The following EIF4G2 variants were observed in gnomAD, a reference collection of about 807,000 sequenced individuals.
EIF4G2 encodes eukaryotic translation initiation factor 4 gamma 2.
A neutral mutation model predicts 117.7 loss-of-function variants in EIF4G2; 8 were observed. That is an observed-to-expected ratio of 0.07 (90% CI 0.04 to 0.12). EIF4G2 has a LOEUF of 0.12. Among genes scored for constraint, EIF4G2 ranks in the 10% least tolerant of loss-of-function variants. The pLI is 1.00. For missense variants in EIF4G2, 812 were observed against 1,086.2 expected (o/e 0.75, Z 3.55); for synonymous variants, 413 against 367.8 (o/e 1.12, Z -1.41).
In EIF4G2 at chr11:10,800,854, C is replaced by CA. The variant is rs762476859; in HGVS notation, c.1540-20dup. 6.2e-7 allele frequency: 1 copy of CA among 1,612,576 alleles called. No individual in the cohort carries two copies. Among genetic ancestry groups the CA allele is most frequent in the Non-Finnish European group, 8.5e-7 (1 of 1,179,626 alleles). On this transcript the variant is annotated intron_variant, in intron 15 of 21. Transcript: ENST00000339995. The stretch of plus-strand genomic sequence containing the variant: ...GAGGTGTCTAAAAAACAAGCAATGA[C>CA]AGACTTTTTTTAAAAAGAGGACTAT...
In EIF4G2 at chr11:10,799,360, G is replaced by T; in HGVS notation, c.2389C>A (p.Pro797Thr). ...TCCTGCTCTAACTGTTCTTTGGAAG[G>T]AGCAGAGGATGAATCTGTTTCATCG... is the stretch of plus-strand genomic sequence containing the variant. Residue 797 changes from proline to threonine, a missense_variant, in exon 20 of 22, where the codon CCT becomes ACT. Around this residue, in one of 4 missense-constraint regions of EIF4G2, gnomAD observed 571 missense variants for 642.3 expected, o/e 0.89. Coordinates refer to ENST00000339995, the MANE Select transcript of EIF4G2 (RefSeq NM_001418.4). 1 of 1,613,392 alleles carries T rather than the reference G, an allele frequency of 6.2e-7. No homozygotes were observed. Among genetic ancestry groups the T allele is most frequent in the Non-Finnish European group, 8.5e-7 (1 of 1,180,026 alleles).
At chr11:10,808,231 C>T (rs1247236128) in intron 1 of EIF4G2, 2 of 1,144,022 alleles carry the variant, frequency 1.7e-6, no homozygotes, top group Non-Finnish European at 2.2e-6. Context: ...CTCTCTCTTT[C>T]CTCCCCGACG....
At position 10,801,062 on chromosome 11, in the gene EIF4G2, A is replaced by C; in HGVS notation, c.1439T>G (p.Phe480Cys). ...TGGCACTTGATTTTTATTCATTAGG[A>C]ACGACTGAGCAGGCCTCAGGCTAAT... The change falls in exon 15 of 22, where the codon TTC (phenylalanine) becomes TGC (cysteine). Residue 480 changes from phenylalanine (F) to cysteine (C), a missense_variant. Physicochemically the swap from Phe to Cys is radical, Grantham distance 205 (BLOSUM62 -2). Coordinates refer to ENST00000339995, the MANE Select transcript of EIF4G2 (RefSeq NM_001418.4). 6.2e-7 allele frequency: 1 copy of C among 1,614,178 alleles called. No individual in the cohort carries two copies. Among genetic ancestry groups the C allele is most frequent in the Non-Finnish European group, 8.5e-7 (1 of 1,179,996 alleles).
At position 10,807,149 on chromosome 11, in the gene EIF4G2, T is replaced by G. The variant is rs1297977972; in HGVS notation, c.41+106A>C. On this transcript the variant is annotated intron_variant, in intron 2 of 21. Coordinates refer to ENST00000339995, the MANE Select transcript of EIF4G2 (RefSeq NM_001418.4). ...GGCTGTCAATGAAAACTTAAGAACT[T>G]TTCAAATGAAAATTGCAGCCCATTA... 5 of 1,489,236 alleles carry G rather than the reference T, an allele frequency of 3.4e-6. No homozygotes were observed. In the East Asian group the frequency reaches 1.1e-4, roughly 34 times the overall value. The allele number at this position is 1,489,236 out of a possible 1,614,324, so 92.3% of individuals were successfully genotyped here.
intron 11 of EIF4G2, 127 bp from the exon 12 acceptor site, chr11:10,802,562 C>T: frequency 7.6e-7 from 1 of 1,309,610 alleles, no homozygotes; most frequent in South Asian, 1.6e-5. Context: ...CTGTAAATAA[C>T]TTCTTCCAAA....
chr11:10,800,480 G>A lies in EIF4G2; in HGVS notation c.1812C>T (p.Ile604=), dbSNP rs116585386. ...CTATCCCTTCCTGTTTGAGTAAACT[G>A]ATCAAAGAACTTGCTTTTTCTTTAT... Residue 604 remains isoleucine, a synonymous_variant, in exon 17 of 22, where the codon ATC becomes ATT. Coordinates refer to ENST00000339995, the MANE Select transcript of EIF4G2 (RefSeq NM_001418.4). 52 of 1,614,124 alleles carry A rather than the reference G, an allele frequency of 3.2e-5. No homozygotes were observed. The African/African-American group carries it at 4.9e-4, about 15-fold the overall frequency.
In EIF4G2 at chr11:10,797,747, G is replaced by A. The variant is rs1306673622; in HGVS notation, c.*69C>T. 2 of 1,481,216 alleles carry A rather than the reference G, an allele frequency of 1.4e-6. No individual in the cohort carries two copies. Among genetic ancestry groups the A allele is most frequent in the Non-Finnish European group, 9.4e-7 (1 of 1,064,334 alleles). 91.8% of individuals were successfully genotyped at this position (1,481,216 alleles called of 1,614,324 possible). On this transcript the variant is annotated 3_prime_UTR_variant, in exon 22 of 22. Coordinates refer to ENST00000339995, the MANE Select transcript of EIF4G2 (RefSeq NM_001418.4). This position sits in a 1 kb window ranked among gnomAD's most constrained non-coding sequence, Gnocchi z 4.5. Reference sequence around the variant, plus strand: ...TTACAGCGGAATGAATTTTCGCAGTGGTTAGGTCAAATGCAGTTACATCAT... The same window carrying A: ...TTACAGCGGAATGAATTTTCGCAGTAGTTAGGTCAAATGCAGTTACATCAT...
In EIF4G2 at chr11:10,802,278, GT is replaced by G. The variant is rs749041171; in HGVS notation, c.1138+15del. 31 of 1,611,166 alleles carry G rather than the reference GT, an allele frequency of 1.9e-5. No homozygotes were observed. Among genetic ancestry groups the G allele is most frequent in the South Asian group, 1.7e-4 (15 of 90,718 alleles). ...GATTTTTCAGCTTAACGCAACCATT[GT>G]TTTTTCAAAATTACCTGGCATTTGT... On this transcript the variant is annotated intron_variant, in intron 12 of 21. Transcript: ENST00000339995.
chr11:10,800,410 C>T, intron 17 of EIF4G2, 22 bp downstream of exon 17: 3 of 1,613,630 alleles, frequency 1.9e-6, no homozygotes, highest in Non-Finnish European at 2.5e-6. Flanking sequence ...GTTCTTACCA[C>T]ACAATCAGTA....
At position 10,803,640 on chromosome 11, in the gene EIF4G2, G is replaced by C; in HGVS notation, c.703-50C>G. On this transcript the variant is annotated intron_variant, in intron 8 of 21. Transcript: ENST00000339995. The surrounding 1 kb of genome is among the most constrained non-coding windows in gnomAD (Gnocchi z 4.0). ...ACAAAGTTTTAGTTACTCTGGTTTAGGCGTAGTACTTTCTTTCCCTTTATG... is the reference window on the plus strand; with the variant it reads ...ACAAAGTTTTAGTTACTCTGGTTTACGCGTAGTACTTTCTTTCCCTTTATG... 1 of 1,483,338 alleles carries C rather than the reference G, an allele frequency of 6.7e-7. No individual in the cohort carries two copies. The highest frequency in any genetic ancestry group is 1.4e-5 in the African/African-American group (1 of 72,286). 91.9% of individuals were successfully genotyped at this position (1,483,338 alleles called of 1,614,324 possible). A position where few individuals can be genotyped will look rare whatever the true frequency, so the allele number is the denominator to read the frequency against.
chr11:10,799,604 T>G lies in EIF4G2; in HGVS notation c.2272A>C (p.Ile758Leu), dbSNP rs773502175. Residue 758 changes from isoleucine to leucine, a missense_variant, in exon 19 of 22, where the codon ATC becomes CTC. Physicochemically the swap from Ile to Leu is conservative, Grantham distance 5. Around this residue, in one of 4 missense-constraint regions of EIF4G2, gnomAD observed 571 missense variants for 642.3 expected, o/e 0.89. Transcript: ENST00000339995. ...TTATCTACATGAAGTTTGGGAGAGA[T>G]GTTATCTTTAATCCATTTATATATG... 2 of 1,614,008 alleles carry G rather than the reference T, an allele frequency of 1.2e-6. No individual in the cohort carries two copies. The highest frequency in any genetic ancestry group is 1.7e-5 in the Admixed American group (1 of 60,008).
chr11:10,806,972 T>C, intron 2 of EIF4G2, 87 bp from the exon 3 acceptor site: 1 of 1,494,630 alleles, frequency 6.7e-7, no homozygotes, highest in African/African-American at 1.4e-5. Context: ...TTGCTTTGCT[T>C]GTAGAGATGG....
chr11:10,802,577 G>T, intron 11 of EIF4G2, 142 bp from the exon 12 acceptor site: 2 of 1,204,208 alleles, frequency 1.7e-6, no homozygotes, highest in Non-Finnish European at 2.2e-6. Flanking sequence ...TCCAAAAATG[G>T]CAGACAAGGC....
chr11:10,801,816 T>G (rs199903099), intron 13 of EIF4G2, 42 bp from the exon 14 acceptor site: 2 of 1,570,662 alleles, frequency 1.3e-6, no homozygotes, highest in Non-Finnish European at 8.7e-7. Flanking sequence ...TAAAAAGGGG[T>G]CCACAAATTA....
Position 10,800,666 on chromosome 11 carries a change from T to C in EIF4G2, c.1645-19A>G. ...CAGTTTCCTGTGAAGAACACAAGTA[T>C]CTTTAATGTATTCTCTATCTCAAAT... On this transcript the variant is annotated intron_variant, in intron 16 of 21. Coordinates refer to ENST00000339995, the MANE Select transcript of EIF4G2 (RefSeq NM_001418.4). 6.2e-7 allele frequency: 1 copy of C among 1,613,968 alleles called. No homozygotes were observed. Among genetic ancestry groups the C allele is most frequent in the East Asian group, 2.2e-5 (1 of 44,876 alleles).
intron 1 of EIF4G2, chr11:10,807,603 ATT>A: frequency 8.5e-7 from 1 of 1,172,720 alleles, no homozygotes; most frequent in Non-Finnish European, 1.1e-6. Context: ...ACACAAGAGC[ATT>A]TTAAACGGCT....
intron 21 of EIF4G2, 57 bp downstream of exon 21, chr11:10,798,935 G>C: frequency 6.4e-7 from 1 of 1,558,312 alleles, no homozygotes; most frequent in Non-Finnish European, 8.6e-7. Context: ...CTCTTAACTT[G>C]AAGTTAATAC....
chr11:10,801,675 G>A lies in EIF4G2; in HGVS notation c.1399C>T (p.Leu467Phe), dbSNP rs771668658. 6.2e-7 allele frequency: 1 copy of A among 1,614,074 alleles called. No homozygotes were observed. The highest frequency in any genetic ancestry group is 1.1e-5 in the South Asian group (1 of 91,082). Reference sequence around the variant, plus strand: ...GGCAAATGTACCTCATCTGCATTAAGCTGTCCTTTCTTAGAAAACCGAGGT... The same window carrying A: ...GGCAAATGTACCTCATCTGCATTAAACTGTCCTTTCTTAGAAAACCGAGGT... The change falls in exon 14 of 22, where the codon CTT becomes TTT. Residue 467 changes from leucine to phenylalanine, a missense_variant. Transcript: ENST00000339995.
rs1245771081 is a variant in EIF4G2, at chr11:10,797,116, G to A, written c.*700C>T. Reference sequence around the variant, plus strand: ...TAAAATCAGGGCATGAACATGACTTGATAAATTAAGTAGACTTAATTTCAA... The same window carrying A: ...TAAAATCAGGGCATGAACATGACTTAATAAATTAAGTAGACTTAATTTCAA... On this transcript the variant is annotated 3_prime_UTR_variant, in exon 22 of 22. Transcript: ENST00000339995. The surrounding 1 kb of genome is among the most constrained non-coding windows in gnomAD (Gnocchi z 4.5). The A allele has an allele frequency of 6.6e-6, 1 of 152,528 alleles. No homozygotes were observed. Among genetic ancestry groups the A allele is most frequent in the Non-Finnish European group, 1.5e-5 (1 of 68,040 alleles). The allele number at this position is 152,528 out of a possible 1,614,324, so 9.4% of individuals were successfully genotyped here. A position where few individuals can be genotyped will look rare whatever the true frequency, so the allele number is the denominator to read the frequency against.
Sources: gnomAD v4.1 joint callset for allele counts on GRCh38, gnomAD v4.1.1 for gene constraint, gnomAD v4.1.1 regional missense constraint, Gnocchi (gnomAD v3.1) non-coding constraint, MANE v1.5 for transcripts, NCBI Gene and HGNC (gene_info 2026-07-23, HGNC 2026-07-21) for gene names.